ATP6V1C2: variants seen among roughly 807,000 people sequenced by gnomAD.
ATP6V1C2 encodes V-type proton ATPase subunit C 2.
A neutral mutation model predicts 56.8 loss-of-function variants in ATP6V1C2; 45 were observed. That is an observed-to-expected ratio of 0.79 (90% CI 0.62 to 1.02). The LOEUF (loss-of-function observed/expected upper bound fraction) is 1.02. Among genes scored for constraint, ATP6V1C2 ranks in the 50% least tolerant of loss-of-function variants. ATP6V1C2 has a pLI of 0.00. For missense variants in ATP6V1C2, 463 were observed against 519.7 expected (o/e 0.89, Z 1.06); for synonymous variants, 220 against 201.3 (o/e 1.09, Z -0.79).
chr2:10,723,860 T>C (rs1223363926), intron 2 of ATP6V1C2, among the ~76,000 whole-genome samples: 1 of 126,082 alleles, frequency 7.9e-6, no homozygotes, highest in Non-Finnish European at 1.7e-5. Flanking sequence ...AAAAAAAGAA[T>C]GAGACATGTG....
At chr2:10,751,583 G>A (rs1663216421) in intron 3 of ATP6V1C2, among the ~76,000 whole-genome samples, 1 of 152,204 alleles carries the variant, frequency 6.6e-6, no homozygotes, top group African/African-American at 2.4e-5. Flanking sequence ...TGACGGTAAA[G>A]ATAGCAGTGT....
chr2:10,723,065 A>C, intron 2 of ATP6V1C2, 87 bp downstream of exon 2: 2 of 1,520,780 alleles, frequency 1.3e-6, no homozygotes, highest in Non-Finnish European at 8.9e-7. Flanking sequence ...CAGGAAGCCA[A>C]GGAGAAAGTA....
rs6728454 is a variant in ATP6V1C2, at chr2:10,762,796, C to T, written c.284-1535C>T. Among the ~76,000 whole-genome samples the T allele has an allele frequency of 2.2e-3, 328 of 152,246 alleles. 1 individual carries two copies. The highest frequency in any genetic ancestry group is 7.3e-3 in the African/African-American group (302 of 41,546). On this transcript the variant is annotated intron_variant, in intron 4 of 13. Coordinates refer to ENST00000272238, the MANE Select transcript of ATP6V1C2 (RefSeq NM_001039362.2). Reference sequence around the variant, plus strand: ...GAGAAAGCTGGCGTGGCCAGGCCTGCGTCATTGCCTTGCACCCTGTCTAGT... The same window carrying T: ...GAGAAAGCTGGCGTGGCCAGGCCTGTGTCATTGCCTTGCACCCTGTCTAGT...
chr2:10,771,042 G>A (rs1664568438), intron 6 of ATP6V1C2, among the ~76,000 whole-genome samples: 1 of 152,204 alleles, frequency 6.6e-6, no homozygotes, highest in Admixed American at 6.5e-5. Context: ...CGGTGCCCAG[G>A]GAGAAGGAAC....
intron 3 of ATP6V1C2, among the ~76,000 whole-genome samples, chr2:10,728,066 A>T (rs1661746462): frequency 6.6e-6 from 1 of 152,082 alleles, no homozygotes; most frequent in African/African-American, 2.4e-5. Flanking sequence ...AATATTATTC[A>T]TTCATGTATT....
In ATP6V1C2 at chr2:10,763,469, C is replaced by A. The variant is rs2148478415; in HGVS notation, c.284-862C>A. On this transcript the variant is annotated intron_variant, in intron 4 of 13. Transcript: ENST00000272238. This position sits in a 1 kb window ranked among gnomAD's most constrained non-coding sequence, Gnocchi z 4.2. ...AGGGGGTGGTGTCTAGTGTGTGTCCCCAGCAGGGTGATGGGTGTGGAGTGA... is the reference window on the plus strand; with the variant it reads ...AGGGGGTGGTGTCTAGTGTGTGTCCACAGCAGGGTGATGGGTGTGGAGTGA... 6.6e-6 allele frequency among the ~76,000 whole-genome samples: 1 copy of A among 152,266 alleles called. No individual in the cohort carries two copies. Among genetic ancestry groups the A allele is most frequent in the Non-Finnish European group, 1.5e-5 (1 of 68,006 alleles).
At chr2:10,749,413 T>C (rs1192532110) in intron 3 of ATP6V1C2, among the ~76,000 whole-genome samples, 1 of 151,892 alleles carries the variant, frequency 6.6e-6, no homozygotes, top group Non-Finnish European at 1.5e-5. Flanking sequence ...AAGAAGAAAA[T>C]AGCCTTTTAT....
chr2:10,741,520 A>C (rs6757873), intron 3 of ATP6V1C2, among the ~76,000 whole-genome samples: 7 of 152,112 alleles, frequency 4.6e-5, no homozygotes, highest in Non-Finnish European at 1.0e-4. Flanking sequence ...AGGCTAGGGC[A>C]GGTGGCCCCT....
At chr2:10,729,102 C>T (rs1661817277) in intron 3 of ATP6V1C2, among the ~76,000 whole-genome samples, 1 of 151,716 alleles carries the variant, frequency 6.6e-6, no homozygotes, top group Non-Finnish European at 1.5e-5. Flanking sequence ...TGCACTCCTG[C>T]CTGGGACAGA....
At position 10,773,457 on chromosome 2, in the gene ATP6V1C2, A is replaced by C. The variant is rs1479101832; in HGVS notation, c.638+847A>C. Among the ~76,000 whole-genome samples the C allele has an allele frequency of 2.0e-5, 3 of 152,322 alleles. No individual in the cohort carries two copies. In the East Asian group the frequency reaches 5.8e-4, roughly 29 times the overall value. Reference sequence around the variant, plus strand: ...GAGTGCAGTGGCCCGAGCTCAGCTCACTGCAACCTCCGCCTTCCGGGTTTA... The same window carrying C: ...GAGTGCAGTGGCCCGAGCTCAGCTCCCTGCAACCTCCGCCTTCCGGGTTTA... On this transcript the variant is annotated intron_variant, in intron 8 of 13. Transcript: ENST00000272238.
intron 10 of ATP6V1C2, 113 bp from the exon 11 acceptor site, chr2:10,777,472 G>C: frequency 7.1e-7 from 1 of 1,401,746 alleles, no homozygotes; most frequent in Non-Finnish European, 9.8e-7. Context: ...AGTCCCGAGG[G>C]TGGGCCTGAA....
intron 4 of ATP6V1C2, among the ~76,000 whole-genome samples, chr2:10,759,195 A>G (rs1663743819): frequency 6.6e-6 from 1 of 152,176 alleles, no homozygotes; most frequent in Non-Finnish European, 1.5e-5. Flanking sequence ...TCAACTGTAG[A>G]TGGACTGAAT....
intron 3 of ATP6V1C2, among the ~76,000 whole-genome samples, chr2:10,733,455 T>C (rs990977666): frequency 1.4e-4 from 21 of 152,202 alleles, no homozygotes; most frequent in African/African-American, 5.1e-4. Flanking sequence ...TGTTTCAATA[T>C]CCTTTTATTA....
chr2:10,757,961 T>A (rs1307719630), intron 4 of ATP6V1C2, among the ~76,000 whole-genome samples: 5 of 152,228 alleles, frequency 3.3e-5, no homozygotes, highest in African/African-American at 1.2e-4. Flanking sequence ...GCTTTGGATT[T>A]TCCCCAACCC....
In ATP6V1C2 at chr2:10,771,818, T is replaced by A. The variant is rs778055720; in HGVS notation, c.471-21T>A. 7 of 1,595,776 alleles carry A rather than the reference T, an allele frequency of 4.4e-6. No homozygotes were observed. The East Asian group carries it at 1.6e-4, about 36-fold the overall frequency. The stretch of plus-strand genomic sequence containing the variant: ...CTTTCTGCTCACATCTTTCACACCC[T>A]TTGTTCCACCTGCCTTTTAGGGGGA... On this transcript the variant is annotated intron_variant, in intron 6 of 13. Coordinates refer to ENST00000272238, the MANE Select transcript of ATP6V1C2 (RefSeq NM_001039362.2).
intron 6 of ATP6V1C2, among the ~76,000 whole-genome samples, chr2:10,769,275 G>A (rs1179357457): frequency 6.6e-6 from 1 of 152,234 alleles, no homozygotes; most frequent in Non-Finnish European, 1.5e-5. Flanking sequence ...CCACTGTGTG[G>A]GAGAGGGAGC....
intron 13 of ATP6V1C2, among the ~76,000 whole-genome samples, 195 bp downstream of exon 13, chr2:10,782,570 C>T (rs1302243544): frequency 6.6e-5 from 10 of 152,050 alleles, no homozygotes; most frequent in African/African-American, 2.2e-4. Flanking sequence ...TAGTGGCTCA[C>T]GCCTGTAATC....
intron 3 of ATP6V1C2, 79 bp downstream of exon 3, chr2:10,726,648 G>A: frequency 1.5e-6 from 2 of 1,344,858 alleles, no homozygotes; most frequent in East Asian, 2.3e-5. Context: ...TGCTTTGGCT[G>A]AACCGGAGTA....
At chr2:10,730,569 G>T (rs1661891571) in intron 3 of ATP6V1C2, among the ~76,000 whole-genome samples, 1 of 149,622 alleles carries the variant, frequency 6.7e-6, no homozygotes, top group African/African-American at 2.5e-5. Flanking sequence ...TAACACACAG[G>T]CACTCCTAGT....
Sources: allele counts gnomAD v4.1 joint callset (sites outside exome capture counted in the v4.1 genomes callset), GRCh38; gene constraint gnomAD v4.1.1; non-coding constraint Gnocchi (gnomAD v3.1); transcripts MANE v1.5; gene names NCBI Gene and HGNC (gene_info 2026-07-23, HGNC 2026-07-21).